Variants in RPGRIP1L observed in about 807,000 individuals in gnomAD.
RPGRIP1L encodes protein fantom.
RPGRIP1L carries 131 observed loss-of-function variants against 160.4 expected under a neutral mutation model. The observed-to-expected ratio is 0.82, with a 90% confidence interval of 0.71 to 0.94. The LOEUF (loss-of-function observed/expected upper bound fraction) is 0.94. Among genes scored for constraint, RPGRIP1L ranks in the 40% least tolerant of loss-of-function variants. The pLI is 0.00. For missense variants in RPGRIP1L, 1,522 were observed against 1,535.8 expected (o/e 0.99, Z 0.15); for synonymous variants, 510 against 515.8 (o/e 0.99, Z 0.15).
intron 17 of RPGRIP1L, among the ~76,000 whole-genome samples, chr16:53,642,396 G>C (rs1301587890): frequency 6.6e-6 from 1 of 151,028 alleles, no homozygotes; most frequent in East Asian, 1.9e-4. Context: ...CCTTTACTTT[G>C]CTCTCAAGTG....
intron 25 of RPGRIP1L, chr16:53,607,898 C>T (rs1011443953): frequency 4.8e-5 from 32 of 661,434 alleles, no homozygotes; most frequent in Admixed American, 1.9e-4. Flanking sequence ...CGAAAAGACA[C>T]ACACACAAAT....
At chr16:53,620,415 A>G (rs1964633584) in intron 23 of RPGRIP1L, among the ~76,000 whole-genome samples, 1 of 152,176 alleles carries the variant, frequency 6.6e-6, no homozygotes, top group Non-Finnish European at 1.5e-5. Context: ...ATATTTCAAT[A>G]AGGTTATTTT....
intron 10 of RPGRIP1L, among the ~76,000 whole-genome samples, chr16:53,660,909 AT>A (rs1967737697): frequency 6.7e-6 from 1 of 150,310 alleles, no homozygotes; most frequent in Admixed American, 6.6e-5. Context: ...AAAAAAAAAA[AT>A]CAAATATACT....
intron 2 of RPGRIP1L, among the ~76,000 whole-genome samples, chr16:53,697,853 T>C (rs1371667394): frequency 6.9e-6 from 1 of 144,456 alleles, no homozygotes; most frequent in Admixed American, 6.9e-5. Flanking sequence ...CCCCTCTGCC[T>C]GGCTGCCCAG....
At chr16:53,608,293 A>G (rs1963813049) in intron 25 of RPGRIP1L, among the ~76,000 whole-genome samples, 1 of 152,152 alleles carries the variant, frequency 6.6e-6, no homozygotes, top group South Asian at 2.1e-4. Context: ...ACTACTGAGG[A>G]TTCACTGAAT....
chr16:53,659,084 G>T, intron 10 of RPGRIP1L: 1 of 610,764 alleles, frequency 1.6e-6, no homozygotes, highest in Admixed American at 3.4e-5. Context: ...TGATTCACTT[G>T]CTCATCAAAA....
chr16:53,652,714 G>A lies in RPGRIP1L; in HGVS notation c.1973C>T (p.Thr658Ile). 1 of 1,614,110 alleles carries A rather than the reference G, an allele frequency of 6.2e-7. No individual in the cohort carries two copies. Among genetic ancestry groups the A allele is most frequent in the African/African-American group, 1.3e-5 (1 of 75,038 alleles). Residue 658 changes from threonine to isoleucine, a missense_variant, in exon 15 of 27, where the codon ACT (threonine) becomes ATT (isoleucine). By Grantham distance (89) the Thr-to-Ile change is moderately conservative. Coordinates refer to ENST00000647211, the MANE Select transcript of RPGRIP1L (RefSeq NM_015272.5). ...VRGLHPEYNF[T>I]SQYLVHVNDL... ...ATTAACATGAACAAGATATTGAGAA[G>A]TGAAGTTATATTCGGGATGAAGGCC... is the stretch of plus-strand genomic sequence containing the variant.
At chr16:53,637,180 G>A (rs1415080150) in intron 21 of RPGRIP1L, among the ~76,000 whole-genome samples, 3 of 152,028 alleles carry the variant, frequency 2.0e-5, no homozygotes, top group Admixed American at 2.0e-4. Context: ...ATGTTTTGAC[G>A]TAAGTGTAAC....
At chr16:53,697,425 T>C (rs1224947775) in intron 2 of RPGRIP1L, among the ~76,000 whole-genome samples, 2 of 152,064 alleles carry the variant, frequency 1.3e-5, no homozygotes, top group Non-Finnish European at 2.9e-5. Flanking sequence ...GAAGCTGGAC[T>C]GTGCTGCTGC....
intron 24 of RPGRIP1L, among the ~76,000 whole-genome samples, chr16:53,616,346 G>A (rs929677307): frequency 3.9e-5 from 6 of 152,092 alleles, no homozygotes; most frequent in Admixed American, 3.9e-4. Context: ...CCCTGCAATG[G>A]AGATGCAAAT....
intron 16 of RPGRIP1L, among the ~76,000 whole-genome samples, chr16:53,648,609 C>A (rs568838637): frequency 8.4e-4 from 72 of 85,872 alleles, no homozygotes; most frequent in South Asian, 4.4e-3. Context: ...TATACGTACG[C>A]GCGTGCGCGC....
chr16:53,667,919 C>T (rs895402200), intron 9 of RPGRIP1L, among the ~76,000 whole-genome samples: 3 of 151,346 alleles, frequency 2.0e-5, no homozygotes, highest in Admixed American at 6.6e-5. Context: ...TTAGACAGGT[C>T]TTGTGGCACA....
intron 25 of RPGRIP1L, chr16:53,607,993 A>C: frequency 2.0e-6 from 2 of 984,884 alleles, no homozygotes; most frequent in Non-Finnish European, 2.4e-6. Flanking sequence ...TAGTCTGAGG[A>C]CCTGGATGGA....
At position 53,660,389 on chromosome 16, in the gene RPGRIP1L, C is replaced by T. The variant is rs527241116; in HGVS notation, c.1244-1511G>A. Among the ~76,000 whole-genome samples, 35 of 152,164 alleles carry T rather than the reference C, an allele frequency of 2.3e-4. No homozygotes were observed. The South Asian group carries it at 6.5e-3, about 28-fold the overall frequency. On this transcript the variant is annotated intron_variant, in intron 10 of 26. Coordinates refer to ENST00000647211, the MANE Select transcript of RPGRIP1L (RefSeq NM_015272.5). ...AGAATTCTTTGCACAAAGGCATTTG[C>T]ATACTGACTGCATTTTAAACAAAAA...
chr16:53,602,202 A>G lies in RPGRIP1L; in HGVS notation c.3836-14T>C. Reference sequence around the variant, plus strand: ...GTGCATCAAAAACTAGGGAGAAAAGAGCAGGAAAGTGTTAATATCATTCAA... The same window carrying G: ...GTGCATCAAAAACTAGGGAGAAAAGGGCAGGAAAGTGTTAATATCATTCAA... On this transcript the variant is annotated splice_polypyrimidine_tract_variant and intron_variant, in intron 26 of 26. Transcript: ENST00000647211. 1 of 1,557,980 alleles carries G rather than the reference A, an allele frequency of 6.4e-7. No homozygotes were observed. Among genetic ancestry groups the G allele is most frequent in the Non-Finnish European group, 8.9e-7 (1 of 1,129,256 alleles).
rs1463626663 is a variant in RPGRIP1L, at chr16:53,630,660, A to G, written c.3294+5779T>C. Among the ~76,000 whole-genome samples, 64 of 152,184 alleles carry G rather than the reference A, an allele frequency of 4.2e-4. 1 individual carries two copies. Among genetic ancestry groups the G allele is most frequent in the Admixed American group, 4.2e-3 (64 of 15,274 alleles). ...AAGAGTTAGTTAAATTGCAAAGCAT[A>G]AAAAATAGTTTTAAAAGCAATTTCT... On this transcript the variant is annotated intron_variant, in intron 22 of 26. Coordinates refer to ENST00000647211, the MANE Select transcript of RPGRIP1L (RefSeq NM_015272.5).
chr16:53,643,753 T>C (rs1244448744), intron 17 of RPGRIP1L, among the ~76,000 whole-genome samples: 1 of 152,062 alleles, frequency 6.6e-6, no homozygotes, highest in Non-Finnish European at 1.5e-5. Flanking sequence ...CAAGCAAAAA[T>C]AGCAACAATA....
chr16:53,666,988 CCATCTGTGTAACTATAAATGGTGAACCA>C (rs1432188376), intron 9 of RPGRIP1L, among the ~76,000 whole-genome samples: 1 of 152,122 alleles, frequency 6.6e-6, no homozygotes, highest in Non-Finnish European at 1.5e-5. Flanking sequence ...ATGCTTAGAG[CCATCTGTGTAACTATAAATGGTGAACCA>C]CATCTGGCTC....
chr16:53,607,446 A>T (rs1475072124), intron 25 of RPGRIP1L, among the ~76,000 whole-genome samples: 1 of 152,226 alleles, frequency 6.6e-6, no homozygotes, highest in East Asian at 1.9e-4. Context: ...AAGAGGAATG[A>T]TTATGAAAGA....
Sources: gnomAD v4.1 joint callset for allele counts (sites outside exome capture counted in the v4.1 genomes callset) on GRCh38, gnomAD v4.1.1 for gene constraint, MANE v1.5 for transcripts, NCBI Gene and HGNC (gene_info 2026-07-23, HGNC 2026-07-21) for gene names.